Variants in PTPRN2 observed in about 807,000 individuals in gnomAD.
PTPRN2 encodes protein tyrosine phosphatase receptor type N2, also known as receptor-type tyrosine-protein phosphatase N2.
PTPRN2 carries 74 observed loss-of-function variants against 118.8 expected under a neutral mutation model. The observed-to-expected ratio is 0.62, with a 90% CI of 0.52 to 0.76. PTPRN2 has a LOEUF of 0.76. Among genes scored for constraint, PTPRN2 ranks in the 30% least tolerant of loss-of-function variants. PTPRN2 has a pLI of 0.00. For missense variants in PTPRN2, 1,481 were observed against 1,394.4 expected, an observed-to-expected ratio of 1.06 and a Z score of -0.99; for synonymous variants, 641 against 608.0, an observed-to-expected ratio of 1.05 and a Z score of -0.80.
At chr7:158,522,285 GAGGTCCACGTCACAATGGT>G (rs1563389574) in intron 1 of PTPRN2, among the ~76,000 whole-genome samples, 3 of 78,324 alleles carry the variant, frequency 3.8e-5, no homozygotes, top group African/African-American at 1.8e-4. Context: ...GCTCGGGAGG[GAGGTCCACGTCACAATGGT>G]GGACTGTCCG....
At chr7:157,769,321 G>GC (rs774721001) in intron 12 of PTPRN2, among the ~76,000 whole-genome samples, 6 of 152,146 alleles carry the variant, frequency 3.9e-5, no homozygotes, top group Non-Finnish European at 7.3e-5. Flanking sequence ...AATCTGAGAG[G>GC]CCACAGCTAA....
At position 158,133,851 on chromosome 7, in the gene PTPRN2, G is replaced by T; in HGVS notation, c.1382C>A (p.Pro461Gln). 1 of 1,613,916 alleles carries T rather than the reference G, an allele frequency of 6.2e-7. No homozygotes were observed. The highest frequency in any genetic ancestry group is 1.1e-5 in the South Asian group (1 of 91,076). ...TYSKDLLGQQ[P>Q]HSEPGAAAFG... ...CGCAGCGGCCCCGGGCTCCGAATGC[G>T]GCTGCTGCCCCAGCAGATCTTTGGA... Residue 461 changes from proline to glutamine, a missense_variant, in exon 9 of 23, where the codon CCG becomes CAG. Pro to Gln is a moderately conservative substitution (Grantham distance 76). Around this residue, in one of 3 missense-constraint regions of PTPRN2, gnomAD observed 1,115 missense variants for 994.2 expected, o/e 1.12. Coordinates refer to ENST00000389418, the MANE Select transcript of PTPRN2 (RefSeq NM_002847.5).
In PTPRN2 at chr7:157,893,901, G is replaced by A. The variant is rs1023404156; in HGVS notation, c.1788+4772C>T. On this transcript the variant is annotated intron_variant, in intron 12 of 22. Transcript: ENST00000389418. This position sits in a 1 kb window ranked among gnomAD's most constrained non-coding sequence, Gnocchi z 4.0. ...AGCTGGTCGACTTGAAGGGAACAGA[G>A]ATGGCCGTCGCGCCCAGTGAGAGCA... 6.6e-6 allele frequency among the ~76,000 whole-genome samples: 1 copy of A among 152,202 alleles called. No homozygotes were observed. Among genetic ancestry groups the A allele is most frequent in the Non-Finnish European group, 1.5e-5 (1 of 68,034 alleles).
intron 1 of PTPRN2, among the ~76,000 whole-genome samples, chr7:158,547,869 G>A (rs569279106): frequency 3.3e-5 from 5 of 152,326 alleles, no homozygotes; most frequent in Admixed American, 6.5e-5. Flanking sequence ...GGGCTGGCCC[G>A]AGTATCAGTT....
At chr7:157,545,146 T>G (rs1444690620) in intron 22 of PTPRN2, among the ~76,000 whole-genome samples, 1 of 133,118 alleles carries the variant, frequency 7.5e-6, no homozygotes, top group Non-Finnish European at 1.6e-5. Context: ...TGTGTGCAGG[T>G]GTGTGGGTGT....
chr7:157,891,531 C>G (rs553191029), intron 12 of PTPRN2, among the ~76,000 whole-genome samples: 77 of 146,528 alleles, frequency 5.3e-4, no homozygotes, highest in Non-Finnish European at 8.3e-4. Flanking sequence ...GGCAAATTCA[C>G]ATTATTCATG....
chr7:157,917,288 C>T, intron 11 of PTPRN2, among the ~76,000 whole-genome samples: 1 of 152,274 alleles, frequency 6.6e-6, no homozygotes, highest in Admixed American at 6.5e-5. Flanking sequence ...ACACTCCAGC[C>T]TGCAACGCAG....
chr7:158,435,997 G>A (rs1488335755), intron 2 of PTPRN2, among the ~76,000 whole-genome samples: 1 of 152,080 alleles, frequency 6.6e-6, no homozygotes, highest in African/African-American at 2.4e-5. Context: ...AGAGATCTGC[G>A]GTACAGATCA....
At chr7:157,640,068 C>T (rs1307605945) in intron 14 of PTPRN2, among the ~76,000 whole-genome samples, 1 of 152,188 alleles carries the variant, frequency 6.6e-6, no homozygotes, top group Non-Finnish European at 1.5e-5. Context: ...ATAGAACCCA[C>T]CAGACAACAA....
intron 5 of PTPRN2, among the ~76,000 whole-genome samples, chr7:158,180,987 G>A (rs1343415979): frequency 2.0e-5 from 3 of 152,146 alleles, no homozygotes. Context: ...TTGAATAGAA[G>A]TGGTGAGAGT....
rs1275691256 is a variant in PTPRN2 at position 158,587,653 on chromosome 7, G to C, written c.17C>G (p.Pro6Arg). Residue 6 changes from proline to arginine, a missense_variant, in exon 1 of 23, where the codon CCG becomes CGG. By Grantham distance (103) the Pro-to-Arg change is moderately radical. This residue lies in a region of PTPRN2 where 1,115 missense variants were observed against 994.2 expected (regional missense o/e 1.12). Coordinates refer to ENST00000389418, the MANE Select transcript of PTPRN2 (RefSeq NM_002847.5). The stretch of plus-strand genomic sequence containing the variant: ...CAGCAGCAGTAGCAGCAGCAGCAGC[G>C]GGAGCGGCGGCCCCATCCCCGCGGC... Reference protein sequence around the residue: MGPPLPLLLLLLLLLP... With the variant: MGPPLRLLLLLLLLLP... 1.5e-6 allele frequency: 2 copies of C among 1,356,344 alleles called. No individual in the cohort carries two copies. The highest frequency in any genetic ancestry group is 1.9e-6 in the Non-Finnish European group (2 of 1,056,842). The allele number at this position is 1,356,344 out of a possible 1,614,324, so 84.0% of individuals were successfully genotyped here. A position where few individuals can be genotyped will look rare whatever the true frequency, so the allele number is the denominator to read the frequency against.
intron 12 of PTPRN2, among the ~76,000 whole-genome samples, chr7:157,774,028 G>C (rs1266401480): frequency 6.6e-6 from 1 of 152,142 alleles, no homozygotes; most frequent in Admixed American, 6.5e-5. Flanking sequence ...AAAACATAGG[G>C]AAAACAAGAA....
At chr7:157,710,798 CG>C (rs1798577573) in intron 12 of PTPRN2, among the ~76,000 whole-genome samples, 1 of 151,018 alleles carries the variant, frequency 6.6e-6, no homozygotes, top group Non-Finnish European at 1.5e-5. Flanking sequence ...GGGTTACACG[CG>C]AGAGCCCCAC....
At chr7:157,963,346 G>A (rs940500220) in intron 11 of PTPRN2, among the ~76,000 whole-genome samples, 10 of 152,252 alleles carry the variant, frequency 6.6e-5, no homozygotes, top group Non-Finnish European at 1.5e-4. Flanking sequence ...TGGAACTAAT[G>A]GCAGAAACAA....
chr7:158,181,016 T>A (rs1011484708), intron 5 of PTPRN2, among the ~76,000 whole-genome samples: 1 of 152,150 alleles, frequency 6.6e-6, no homozygotes, highest in African/African-American at 2.4e-5. Context: ...TTGTCTTCTT[T>A]CAGTTCGCAG....
intron 6 of PTPRN2, among the ~76,000 whole-genome samples, chr7:158,149,229 A>C (rs1193609092): frequency 6.6e-6 from 1 of 151,188 alleles, no homozygotes; most frequent in Non-Finnish European, 1.5e-5. Flanking sequence ...CTGCTCTCCA[A>C]GCTGGCACCA....
chr7:158,274,014 A>G (rs1798750115), intron 3 of PTPRN2, among the ~76,000 whole-genome samples: 1 of 135,718 alleles, frequency 7.4e-6, no homozygotes, highest in East Asian at 2.3e-4. Flanking sequence ...GGAGCCGCAG[A>G]CACAGGGGGA....
At chr7:158,198,357 A>G (rs1391119717) in intron 4 of PTPRN2, among the ~76,000 whole-genome samples, 1 of 152,216 alleles carries the variant, frequency 6.6e-6, no homozygotes, top group Non-Finnish European at 1.5e-5. Context: ...ATACGTATGA[A>G]TTTTGTACTT....
intron 12 of PTPRN2, among the ~76,000 whole-genome samples, chr7:157,747,715 G>A (rs1445191022): frequency 7.4e-6 from 1 of 134,684 alleles, no homozygotes; most frequent in Admixed American, 8.0e-5. Flanking sequence ...TCAGCTGTGG[G>A]CTGTTGAGGT....
Sources: allele counts gnomAD v4.1 joint callset (sites outside exome capture counted in the v4.1 genomes callset), GRCh38; gene constraint gnomAD v4.1.1; regional missense constraint gnomAD v4.1.1; non-coding constraint Gnocchi (gnomAD v3.1); transcripts MANE v1.5; gene names NCBI Gene and HGNC (gene_info 2026-07-23, HGNC 2026-07-21).